Variants in OPCML observed in about 807,000 individuals in gnomAD.
The protein encoded by OPCML is opioid binding protein/cell adhesion molecule like, also known as opioid-binding protein/cell adhesion molecule.
In OPCML, 13 loss-of-function variants were observed where a neutral mutation model predicts 37.8. The ratio of observed to expected loss-of-function variants is 0.34; its 90% CI spans 0.22 to 0.55. The LOEUF (loss-of-function observed/expected upper bound fraction) is 0.55, where lower values mean the gene tolerates loss of function less well. OPCML is among the 20% of genes least tolerant of loss of function. OPCML has a pLI of 0.91. For synonymous variants in OPCML, 176 were observed against 168.8 expected (o/e 1.04, Z -0.33); for missense variants, 341 against 435.6 (o/e 0.78, Z 1.93).
intron 1 of OPCML, among the ~76,000 whole-genome samples, chr11:133,530,471 G>GC (rs1354892411): frequency 6.6e-6 from 1 of 152,186 alleles, no homozygotes; most frequent in African/African-American, 2.4e-5. Context: ...GTATGAGGAG[G>GC]CCCCCCGGAG....
chr11:133,186,169 C>T (rs1938061780), intron 1 of OPCML, among the ~76,000 whole-genome samples: 1 of 152,176 alleles, frequency 6.6e-6, no homozygotes, highest in Admixed American at 6.6e-5. Flanking sequence ...AGTAGTCCCA[C>T]TCTGAGGGAA....
chr11:132,496,575 C>T (rs1359823012), intron 4 of OPCML, among the ~76,000 whole-genome samples: 2 of 152,238 alleles, frequency 1.3e-5, no homozygotes, highest in Non-Finnish European at 2.9e-5. Flanking sequence ...ATGCCCACTT[C>T]CTGGCTTGGG....
chr11:133,141,980 G>A (rs1949830150), intron 1 of OPCML, among the ~76,000 whole-genome samples: 1 of 151,986 alleles, frequency 6.6e-6, no homozygotes, highest in South Asian at 2.1e-4. Flanking sequence ...TGGCTTTTAG[G>A]GCATGAGTTT....
chr11:132,957,349 CA>C (rs1945995065), intron 1 of OPCML, among the ~76,000 whole-genome samples: 1 of 152,042 alleles, frequency 6.6e-6, no homozygotes, highest in Admixed American at 6.6e-5. Flanking sequence ...AAGAAAGGGG[CA>C]GGGGCATAAC....
At chr11:132,435,283 G>T in intron 7 of OPCML, 1 of 1,283,478 alleles carries the variant, frequency 7.8e-7, no homozygotes, top group Non-Finnish European at 1.0e-6. Context: ...TTTACTTAAT[G>T]TCAGTGCTGA....
intron 2 of OPCML, among the ~76,000 whole-genome samples, chr11:132,700,930 T>C (rs1331895130): frequency 6.6e-6 from 1 of 152,212 alleles, no homozygotes; most frequent in East Asian, 1.9e-4. Context: ...GCTCTTTCAT[T>C]CTGCTAATGT....
At chr11:132,811,539 GTCAACACC>G (rs1939341522) in intron 2 of OPCML, among the ~76,000 whole-genome samples, 1 of 152,162 alleles carries the variant, frequency 6.6e-6, no homozygotes, top group South Asian at 2.1e-4. Flanking sequence ...CCCTGGACAT[GTCAACACC>G]TCTTTCTTTC....
chr11:133,129,601 C>A (rs1949573147), intron 1 of OPCML, among the ~76,000 whole-genome samples: 1 of 152,120 alleles, frequency 6.6e-6, no homozygotes, highest in South Asian at 2.1e-4. Flanking sequence ...TAAAAAGTAT[C>A]AGGCATGTAA....
In OPCML at chr11:132,471,596, C is replaced by T. The variant is rs1047500536; in HGVS notation, c.506-34237G>A. Among the ~76,000 whole-genome samples the T allele has an allele frequency of 2.0e-5, 3 of 152,184 alleles. No homozygotes were observed. The East Asian group carries it at 5.8e-4, about 29-fold the overall frequency. ...AATTGGTTCCTCCATCTGTGGGTGT[C>T]TCCAGAGGGCTGCCTAATTATCCTC... On this transcript the variant is annotated intron_variant, in intron 4 of 7. Transcript: ENST00000524381.
rs1246333214 is a variant in OPCML at position 132,420,195 on chromosome 11, A to G, written c.1015T>C (p.Ter339ArgextTer1). 1 of 1,613,780 alleles carries G rather than the reference A, an allele frequency of 6.2e-7. No homozygotes were observed. Among genetic ancestry groups the G allele is most frequent in the Non-Finnish European group, 8.5e-7 (1 of 1,179,816 alleles). ...TLLAHFFIKF[*>R] ...CTCAGAGGACCTAGGATTTCTTATC[A>G]AAACTTGATGAAGAAGTGGGCTAAG... The change falls in exon 8 of 8, where the codon TGA becomes CGA. Residue 339 changes from the stop codon to arginine (R), a stop_lost. Coordinates refer to ENST00000524381, the MANE Select transcript of OPCML (RefSeq NM_001012393.5).
intron 1 of OPCML, among the ~76,000 whole-genome samples, chr11:133,265,643 C>G (rs1357905848): frequency 2.0e-5 from 3 of 152,208 alleles, no homozygotes; most frequent in Non-Finnish European, 2.9e-5. Flanking sequence ...GGGCTGTGTC[C>G]CCATCACAGT....
intron 1 of OPCML, among the ~76,000 whole-genome samples, chr11:133,375,272 T>C (rs1944776878): frequency 6.6e-6 from 1 of 152,214 alleles, no homozygotes. Flanking sequence ...GTTACATACA[T>C]AAGTATATAC....
intron 1 of OPCML, among the ~76,000 whole-genome samples, chr11:133,140,531 T>TAATAATAAGAAGAAG (rs1272061685): frequency 0.018 from 1,595 of 88,050 alleles, 18 homozygotes; most frequent in Non-Finnish European, 0.021. Flanking sequence ...ATAATAATAA[T>TAATAATAAGAAGAAG]AAGAAGAAGA....
intron 1 of OPCML, among the ~76,000 whole-genome samples, chr11:133,325,323 A>G (rs1202692565): frequency 2.0e-5 from 3 of 152,184 alleles, no homozygotes; most frequent in Admixed American, 1.3e-4. Context: ...GCCGGATGGC[A>G]TTATTTGGGG....
chr11:133,074,021 C>T (rs887892624), intron 1 of OPCML, among the ~76,000 whole-genome samples: 1 of 152,204 alleles, frequency 6.6e-6, no homozygotes, highest in African/African-American at 2.4e-5. Context: ...CCATTCCACG[C>T]CATCCATTCT....
chr11:133,527,657 A>G (rs1351275102), intron 1 of OPCML, among the ~76,000 whole-genome samples: 1 of 152,166 alleles, frequency 6.6e-6, no homozygotes, highest in Non-Finnish European at 1.5e-5. Context: ...GTTTTTTTAT[A>G]ATAAAAATTT....
At chr11:133,041,908 T>C (rs529204931) in intron 1 of OPCML, among the ~76,000 whole-genome samples, 27 of 152,270 alleles carry the variant, frequency 1.8e-4, no homozygotes, top group African/African-American at 6.5e-4. Flanking sequence ...ACACTGTTTG[T>C]ATTCCACAGA....
intron 7 of OPCML, among the ~76,000 whole-genome samples, chr11:132,424,403 G>A (rs2095970982): frequency 1.3e-5 from 2 of 152,186 alleles, no homozygotes; most frequent in Admixed American, 1.3e-4. Flanking sequence ...ACAGGTGTAA[G>A]CCACCATGCC....
Position 132,488,002 on chromosome 11 carries a change from T to C in OPCML, c.505+41059A>G, listed in dbSNP as rs193026728. Reference sequence around the variant, plus strand: ...AGTTTTTCTGCTGGATGTGCAGAGATCCAGTTGGCTCCAGCCTACCTTTGC... The same window carrying C: ...AGTTTTTCTGCTGGATGTGCAGAGACCCAGTTGGCTCCAGCCTACCTTTGC... On this transcript the variant is annotated intron_variant, in intron 4 of 7. Coordinates refer to ENST00000524381, the MANE Select transcript of OPCML (RefSeq NM_001012393.5). 3.9e-5 allele frequency among the ~76,000 whole-genome samples: 6 copies of C among 152,334 alleles called. No individual in the cohort carries two copies. The East Asian group carries it at 1.2e-3, about 29-fold the overall frequency.
Sources: gnomAD v4.1 joint callset for allele counts (sites outside exome capture counted in the v4.1 genomes callset) on GRCh38, gnomAD v4.1.1 for gene constraint, MANE v1.5 for transcripts, NCBI Gene and HGNC (gene_info 2026-07-23, HGNC 2026-07-21) for gene names.